Variants in LRRC36 observed in about 807,000 individuals in gnomAD.
LRRC36 encodes the protein leucine-rich repeat-containing protein 36.
Under a neutral mutation model 81.1 loss-of-function variants are expected in LRRC36, and 62 were observed. The observed-to-expected ratio is 0.76, with a 90% CI of 0.62 to 0.94. LRRC36 has a LOEUF of 0.94. Ranked by LOEUF, LRRC36 falls within the 40% of genes least tolerant of loss-of-function variation. The probability of loss-of-function intolerance (pLI) is 0.00; values close to 1 mark genes in which losing one functional copy is unlikely to be tolerated. For synonymous variants in LRRC36, 334 were observed against 348.6 expected, an observed-to-expected ratio of 0.96 and a Z score of 0.47; for missense variants, 761 against 881.7, an observed-to-expected ratio of 0.86 and a Z score of 1.73.
chr16:67,358,749 C>T (rs2142070366), intron 5 of LRRC36, among the ~76,000 whole-genome samples: 1 of 152,034 alleles, frequency 6.6e-6, no homozygotes, highest in Admixed American at 6.6e-5. Context: ...GACATTTCTC[C>T]AAAGAAGATA....
intron 5 of LRRC36, among the ~76,000 whole-genome samples, chr16:67,359,677 T>G (rs1016174109): frequency 2.0e-5 from 3 of 152,216 alleles, no homozygotes; most frequent in Non-Finnish European, 4.4e-5. Context: ...ATAGAGTGAT[T>G]CTGTACAACT....
At chr16:67,332,866 A>T (rs953449148) in intron 1 of LRRC36, among the ~76,000 whole-genome samples, 3 of 151,576 alleles carry the variant, frequency 2.0e-5, no homozygotes, top group Non-Finnish European at 4.4e-5. Flanking sequence ...AGTCAGGAAA[A>T]TTTTATTTAT....
chr16:67,352,641 TCTTA>T (rs1304831373), intron 5 of LRRC36, among the ~76,000 whole-genome samples: 41 of 148,424 alleles, frequency 2.8e-4, no homozygotes, highest in Middle Eastern at 3.5e-3. Flanking sequence ...TAAATAAATG[TCTTA>T]TTTATTTATT....
intron 7 of LRRC36, 116 bp from the exon 8 acceptor site, chr16:67,366,901 T>A: frequency 1.3e-6 from 1 of 782,136 alleles, no homozygotes; most frequent in Non-Finnish European, 2.1e-6. Flanking sequence ...ATAAACCACC[T>A]CTTCCTGAGA....
At chr16:67,369,912 GCCAACCCATATCAA>G (rs2039563164) in intron 8 of LRRC36, among the ~76,000 whole-genome samples, 1 of 152,170 alleles carries the variant, frequency 6.6e-6, no homozygotes, top group African/African-American at 2.4e-5. Flanking sequence ...TGGGGACACA[GCCAACCCATATCAA>G]CCCCTTCAAG....
intron 10 of LRRC36, 71 bp downstream of exon 10, chr16:67,375,483 C>G: frequency 7.5e-7 from 1 of 1,331,680 alleles, no homozygotes. Flanking sequence ...TGCTAAAAGC[C>G]ACTTAGCTCT....
At chr16:67,372,275 T>C (rs2039679208) in intron 9 of LRRC36, among the ~76,000 whole-genome samples, 1 of 151,608 alleles carries the variant, frequency 6.6e-6, no homozygotes, top group Non-Finnish European at 1.5e-5. Context: ...GAGAATCACT[T>C]GAACCTGGGA....
intron 9 of LRRC36, among the ~76,000 whole-genome samples, chr16:67,374,647 C>T (rs1172660950): frequency 6.6e-6 from 1 of 152,068 alleles, no homozygotes; most frequent in East Asian, 1.9e-4. Context: ...CTGCCTGCCT[C>T]GGCCTCCCAA....
rs891217276 is a variant in LRRC36 at position 67,341,132 on chromosome 16, A to G, written c.71-825A>G. ...ATATTCTATAGAATATGTACTCTAC[A>G]TATTCTATAGAATATGTACTCTACA... On this transcript the variant is annotated intron_variant, in intron 1 of 13. Transcript: ENST00000329956. 6.0e-5 allele frequency among the ~76,000 whole-genome samples: 7 copies of G among 117,120 alleles called. 1 individual carries two copies. The highest frequency in any genetic ancestry group is 2.3e-4 in the African/African-American group (7 of 29,954). 76.8% of individuals were successfully genotyped at this position (117,120 alleles called of 152,430 possible).
At chr16:67,333,461 T>C (rs2037597884) in intron 1 of LRRC36, among the ~76,000 whole-genome samples, 1 of 152,112 alleles carries the variant, frequency 6.6e-6, no homozygotes, top group South Asian at 2.1e-4. Context: ...TTCAGGGTCA[T>C]TTTGTACATT....
At chr16:67,338,392 T>C (rs1046564148) in intron 1 of LRRC36, among the ~76,000 whole-genome samples, 3 of 152,196 alleles carry the variant, frequency 2.0e-5, no homozygotes, top group African/African-American at 7.2e-5. Flanking sequence ...TTATGATATA[T>C]TGTTTTACTT....
intron 12 of LRRC36, among the ~76,000 whole-genome samples, chr16:67,381,833 G>T (rs1242071289): frequency 1.3e-5 from 2 of 152,140 alleles, no homozygotes; most frequent in African/African-American, 4.8e-5. Flanking sequence ...TGGCCAGGCT[G>T]GTCCTGAACT....
intron 2 of LRRC36, 105 bp from the exon 3 acceptor site, chr16:67,346,151 G>A: frequency 1.3e-6 from 1 of 755,472 alleles, no homozygotes; most frequent in Non-Finnish European, 2.1e-6. Context: ...CGGGGACTTG[G>A]ATAACATGTT....
chr16:67,376,792 CA>C lies in LRRC36; in HGVS notation c.1727del (p.His576LeufsTer6). ...PAPSQPRCCS[H>X]PEDTMKAFCR... The stretch of plus-strand genomic sequence containing the variant: ...TCCTTCTCAGCCGAGGTGTTGCTCA[CA>C]TCCTGAAGACACGATGAAAGCATTC... On this transcript the variant is annotated frameshift_variant, in exon 11 of 14. Transcript: ENST00000329956. LOFTEE classifies it high-confidence loss of function. 6.2e-7 allele frequency: 1 copy of C among 1,614,056 alleles called. No homozygotes were observed. Among genetic ancestry groups the C allele is most frequent in the Non-Finnish European group, 8.5e-7 (1 of 1,179,926 alleles).
intron 9 of LRRC36, 137 bp from the exon 10 acceptor site, chr16:67,375,108 CAG>C: frequency 1.1e-6 from 1 of 870,814 alleles, no homozygotes; most frequent in Non-Finnish European, 1.7e-6. Flanking sequence ...GCCTGGGTGA[CAG>C]AGCGAGACTC....
chr16:67,356,578 G>T (rs1472657019), intron 5 of LRRC36, among the ~76,000 whole-genome samples: 1 of 152,154 alleles, frequency 6.6e-6, no homozygotes, highest in East Asian at 1.9e-4. Context: ...TTGGGGGTAG[G>T]CAGACAAGGA....
intron 9 of LRRC36, among the ~76,000 whole-genome samples, chr16:67,373,342 T>C (rs1336674386): frequency 6.6e-6 from 1 of 152,084 alleles, no homozygotes; most frequent in Non-Finnish European, 1.5e-5. Context: ...AAAAAAGAAA[T>C]ATACTTTTTA....
At chr16:67,355,975 A>G (rs1326875830) in intron 5 of LRRC36, among the ~76,000 whole-genome samples, 4 of 152,202 alleles carry the variant, frequency 2.6e-5, no homozygotes, top group Non-Finnish European at 4.4e-5. Context: ...ATGGTAGGTC[A>G]TGAAGAAAGC....
At chr16:67,360,455 A>G (rs769420915) in intron 5 of LRRC36, among the ~76,000 whole-genome samples, 4 of 152,196 alleles carry the variant, frequency 2.6e-5, no homozygotes, top group Non-Finnish European at 5.9e-5. Context: ...TCCACAGGAT[A>G]AGAGTAAGAG....
Sources: gnomAD v4.1 joint callset for allele counts (sites outside exome capture counted in the v4.1 genomes callset) on GRCh38, gnomAD v4.1.1 for gene constraint, MANE v1.5 for transcripts, NCBI Gene and HGNC (gene_info 2026-07-23, HGNC 2026-07-21) for gene names.